The following LZTFL1 variants were observed in gnomAD, a reference collection of about 807,000 sequenced individuals.
LZTFL1 encodes leucine zipper transcription factor-like protein 1.
Under a neutral mutation model 45.9 loss-of-function variants are expected in LZTFL1, and 25 were observed. That is an observed-to-expected ratio of 0.54 (90% CI 0.40 to 0.76). The LOEUF is 0.76. LZTFL1 is among the 30% of genes least tolerant of loss of function. LZTFL1 has a pLI of 0.00. For synonymous variants in LZTFL1, 93 were observed against 117.4 expected (o/e 0.79, Z 1.35); for missense variants, 277 against 331.1 (o/e 0.84, Z 1.27).
intron 4 of LZTFL1, among the ~76,000 whole-genome samples, chr3:45,851,777 A>G (rs988900207): frequency 6.6e-6 from 1 of 151,712 alleles, no homozygotes; most frequent in African/African-American, 2.4e-5. Context: ...GAGCCTAGGA[A>G]GTGAAGGCTG....
At chr3:45,891,643 C>T (rs1702183082) in intron 2 of LZTFL1, among the ~76,000 whole-genome samples, 1 of 152,150 alleles carries the variant, frequency 6.6e-6, no homozygotes, top group African/African-American at 2.4e-5. Context: ...ATCGAATTCA[C>T]AGCACCTATT....
At chr3:45,887,242 CGTGTGTGTCTGT>C (rs1031163575) in intron 2 of LZTFL1, among the ~76,000 whole-genome samples, 3 of 125,450 alleles carry the variant, frequency 2.4e-5, no homozygotes, top group African/African-American at 9.5e-5. Flanking sequence ...CTATTAAGTG[CGTGTGTGTCTGT>C]GTGTGTGTGT....
In LZTFL1 at chr3:45,830,999, A is replaced by C; in HGVS notation, c.523-9T>G. On this transcript the variant is annotated splice_polypyrimidine_tract_variant and intron_variant, in intron 6 of 9. Transcript: ENST00000296135. ...TCCAGTGCATTTGTAGCCTATAGTG[A>C]AGTTTAAACAAAACACTTTCAGTAT... The C allele has an allele frequency of 1.2e-6, 2 of 1,612,918 alleles. No homozygotes were observed. The highest frequency in any genetic ancestry group is 1.7e-6 in the Non-Finnish European group (2 of 1,179,050).
rs1027523467 is a variant in LZTFL1, at chr3:45,823,916, C to T, written c.*2398G>A. The T allele has an allele frequency of 3.9e-5, 6 of 152,078 alleles. No individual in the cohort carries two copies. The highest frequency in any genetic ancestry group is 8.8e-5 in the Non-Finnish European group (6 of 68,020). The allele number at this position is 152,078 out of a possible 1,614,324, so 9.4% of individuals were successfully genotyped here. The stretch of plus-strand genomic sequence containing the variant: ...GAATGGAAATAATGAATAGCAAAGG[C>T]TTTATCAAATAAGATTACACAGTCA... On this transcript the variant is annotated 3_prime_UTR_variant, in exon 10 of 10. Transcript: ENST00000296135.
intron 3 of LZTFL1, among the ~76,000 whole-genome samples, chr3:45,856,758 C>A (rs187175195): frequency 6.1e-4 from 93 of 152,110 alleles, no homozygotes; most frequent in African/African-American, 2.2e-3. Context: ...ATGCAGCCAA[C>A]AAACATGAAA....
intron 2 of LZTFL1, among the ~76,000 whole-genome samples, chr3:45,866,538 C>T (rs1575277383): frequency 6.6e-6 from 1 of 152,152 alleles, no homozygotes; most frequent in East Asian, 1.9e-4. Flanking sequence ...TGTGGGATAA[C>T]TAAGTTTGGA....
At chr3:45,884,770 C>T (rs554375342) in intron 2 of LZTFL1, among the ~76,000 whole-genome samples, 8 of 152,286 alleles carry the variant, frequency 5.3e-5, no homozygotes, top group Non-Finnish European at 1.0e-4. Flanking sequence ...TTTCCAAGGA[C>T]GCAATCAAAC....
At chr3:45,912,194 T>C (rs1239261106) in intron 2 of LZTFL1, among the ~76,000 whole-genome samples, 1 of 152,240 alleles carries the variant, frequency 6.6e-6, no homozygotes, top group Non-Finnish European at 1.5e-5. Context: ...ATGAAGATTG[T>C]TGCGTGTGTT....
chr3:45,897,775 C>T (rs1702405131), intron 2 of LZTFL1: 3 of 589,154 alleles, frequency 5.1e-6, no homozygotes, highest in Non-Finnish European at 8.9e-6. Flanking sequence ...TCTTCCTTGT[C>T]TGTCTTCCTC....
chr3:45,906,577 T>C (rs1017443813), intron 2 of LZTFL1, among the ~76,000 whole-genome samples: 2 of 152,194 alleles, frequency 1.3e-5, no homozygotes, highest in Non-Finnish European at 2.9e-5. Flanking sequence ...AAATGCTAAA[T>C]GGTAACATGC....
chr3:45,857,883 A>T (rs1701418273), intron 3 of LZTFL1, among the ~76,000 whole-genome samples: 1 of 152,184 alleles, frequency 6.6e-6, no homozygotes, highest in Admixed American at 6.5e-5. Context: ...TTGACAAGTC[A>T]TTATCACCCC....
chr3:45,911,680 G>A (rs1215495034), intron 2 of LZTFL1, among the ~76,000 whole-genome samples: 1 of 152,258 alleles, frequency 6.6e-6, no homozygotes, highest in Non-Finnish European at 1.5e-5. Flanking sequence ...CAGGGGAAGA[G>A]GAACTCTGGC....
chr3:45,905,137 G>A (rs1225274982), intron 2 of LZTFL1, among the ~76,000 whole-genome samples: 1 of 152,144 alleles, frequency 6.6e-6, no homozygotes, highest in Non-Finnish European at 1.5e-5. Flanking sequence ...TCCATTCAAC[G>A]AGTAGTCACT....
exon 4 of LZTFL1, chr3:45,855,007 G>C: frequency 6.5e-7 from 1 of 1,534,730 alleles, no homozygotes; most frequent in Non-Finnish European, 8.7e-7. Flanking sequence ...CTGGAACTTA[G>C]CCCAGCTTCT....
intron 1 of LZTFL1, chr3:45,913,260 T>A: frequency 9.4e-7 from 1 of 1,064,262 alleles, no homozygotes; most frequent in Non-Finnish European, 1.4e-6. Flanking sequence ...AGCTGATCTT[T>A]CTCTTGTTTT....
intron 2 of LZTFL1, among the ~76,000 whole-genome samples, chr3:45,877,821 C>T (rs1345582498): frequency 6.6e-6 from 1 of 150,952 alleles, no homozygotes; most frequent in Non-Finnish European, 1.5e-5. Context: ...TCTTGGCGCA[C>T]TGCAACCTCT....
rs1400396592 is a variant in LZTFL1 at position 45,834,432 on chromosome 3, A to G, written c.324-134T>C. The G allele has an allele frequency of 5.4e-6, 3 of 551,720 alleles. No homozygotes were observed. In the African/African-American group the frequency reaches 5.6e-5, roughly 10 times the overall value. The allele number at this position is 551,720 out of a possible 1,614,324, so 34.2% of individuals were successfully genotyped here. ...AGCAAGATGGACCAAACTTCACCAT[A>G]TCAAAAATGTTAGTTGCAAATGGTT... On this transcript the variant is annotated intron_variant, in intron 3 of 9. Coordinates refer to ENST00000296135, the MANE Select transcript of LZTFL1 (RefSeq NM_020347.4).
intron 2 of LZTFL1, among the ~76,000 whole-genome samples, chr3:45,872,806 G>C (rs575431355): frequency 6.6e-6 from 1 of 152,222 alleles, no homozygotes; most frequent in Admixed American, 6.5e-5. Context: ...GGGGATTCCA[G>C]ATAATCAGAG....
intron 2 of LZTFL1, chr3:45,897,481 C>T (rs1702394462): frequency 2.3e-6 from 2 of 855,376 alleles, no homozygotes; most frequent in Non-Finnish European, 3.8e-6. Flanking sequence ...TTAGCTGTGC[C>T]TGCTCACCGG....
Sources: gnomAD v4.1 joint callset for allele counts (sites outside exome capture counted in the v4.1 genomes callset) on GRCh38, gnomAD v4.1.1 for gene constraint, MANE v1.5 for transcripts, NCBI Gene and HGNC (gene_info 2026-07-23, HGNC 2026-07-21) for gene names.